The following CATSPERE variants were observed in gnomAD, a reference collection of about 807,000 sequenced individuals.
CATSPERE encodes the protein cation channel sperm-associated auxiliary subunit epsilon.
In CATSPERE, 93 loss-of-function variants were observed where a neutral mutation model predicts 114.1. That is an observed-to-expected ratio of 0.81 (90% CI 0.69 to 0.97). The LOEUF is 0.97. Ranked by LOEUF, CATSPERE falls within the 50% of genes least tolerant of loss-of-function variation. The pLI is 0.00. For synonymous variants in CATSPERE, 341 were observed against 384.1 expected, an observed-to-expected ratio of 0.89 and a Z score of 1.31; for missense variants, 1,058 against 1,131.6, an observed-to-expected ratio of 0.93 and a Z score of 0.93.
chr1:244,586,573 G>C (rs1055945539), intron 13 of CATSPERE, among the ~76,000 whole-genome samples: 1 of 152,208 alleles, frequency 6.6e-6, no homozygotes, highest in Non-Finnish European at 1.5e-5. Context: ...CACTCCCACT[G>C]TGAAGCATGC....
chr1:244,511,876 C>A (rs1675823429), intron 7 of CATSPERE, among the ~76,000 whole-genome samples: 1 of 152,152 alleles, frequency 6.6e-6, no homozygotes, highest in African/African-American at 2.4e-5. Context: ...TCTCTCCTGG[C>A]CTATTAGGTT....
chr1:244,617,016 ATTTGT>A (rs1364925547), intron 19 of CATSPERE, among the ~76,000 whole-genome samples: 1 of 152,136 alleles, frequency 6.6e-6, no homozygotes, highest in African/African-American at 2.4e-5. Context: ...CTTTCATTGT[ATTTGT>A]TTTAACAGAG....
chr1:244,559,668 C>G (rs1253821017), intron 9 of CATSPERE, among the ~76,000 whole-genome samples: 1 of 151,966 alleles, frequency 6.6e-6, no homozygotes, highest in Non-Finnish European at 1.5e-5. Context: ...TATCTGATAA[C>G]CAAGGAATCT....
In CATSPERE at chr1:244,523,200, G is replaced by A. The variant is rs1011217878; in HGVS notation, c.536+4502G>A. Among the ~76,000 whole-genome samples the A allele has an allele frequency of 5.3e-5, 8 of 149,556 alleles. 1 individual carries two copies. The highest frequency in any genetic ancestry group is 1.8e-4 in the African/African-American group (7 of 39,190). On this transcript the variant is annotated intron_variant, in intron 8 of 21. Coordinates refer to ENST00000366534, the MANE Select transcript of CATSPERE (RefSeq NM_001130957.2). ...ATTCAATATACGCAAATCAATAAAT[G>A]TAATCCAGCATATAAACAGAACCAA...
At chr1:244,473,301 C>G (rs2148125605) in intron 2 of CATSPERE, among the ~76,000 whole-genome samples, 1 of 152,156 alleles carries the variant, frequency 6.6e-6, no homozygotes, top group East Asian at 1.9e-4. Context: ...TTTTGCAATT[C>G]CAATAGGTGT....
chr1:244,613,900 G>A (rs889067908), intron 19 of CATSPERE, among the ~76,000 whole-genome samples: 5 of 152,194 alleles, frequency 3.3e-5, no homozygotes, highest in Non-Finnish European at 7.3e-5. Flanking sequence ...TCCATTCATA[G>A]ATTAGTGGAT....
chr1:244,543,485 G>T (rs1659202681), intron 8 of CATSPERE, among the ~76,000 whole-genome samples: 1 of 151,824 alleles, frequency 6.6e-6, no homozygotes, highest in Non-Finnish European at 1.5e-5. Context: ...GCTAAGGTGG[G>T]GGAGGGTGTG....
intron 7 of CATSPERE, among the ~76,000 whole-genome samples, chr1:244,517,238 T>TA (rs1268687116): frequency 6.6e-6 from 1 of 151,840 alleles, no homozygotes. Context: ...AGCTTGTTTA[T>TA]ATGATTATAT....
intron 17 of CATSPERE, among the ~76,000 whole-genome samples, chr1:244,597,421 T>C (rs1288190689): frequency 6.6e-6 from 1 of 152,152 alleles, no homozygotes; most frequent in Non-Finnish European, 1.5e-5. Context: ...GGTTAATCAT[T>C]TACCCCTACT....
At chr1:244,525,039 C>T (rs1572560016) in intron 8 of CATSPERE, among the ~76,000 whole-genome samples, 1 of 145,758 alleles carries the variant, frequency 6.9e-6, no homozygotes, top group African/African-American at 2.7e-5. Context: ...CACATGCACA[C>T]GTATGTTTAT....
intron 7 of CATSPERE, among the ~76,000 whole-genome samples, chr1:244,508,831 TAAA>T (rs960028586): frequency 2.6e-5 from 3 of 114,238 alleles, no homozygotes; most frequent in Non-Finnish European, 1.8e-5. Context: ...ACCCTATCTC[TAAA>T]AAAAAAAAAA....
intron 2 of CATSPERE, among the ~76,000 whole-genome samples, chr1:244,469,364 G>T (rs1668103198): frequency 1.3e-5 from 2 of 152,128 alleles, no homozygotes; most frequent in South Asian, 2.1e-4. Flanking sequence ...CCATTACTCA[G>T]CTCCAGTATT....
intron 6 of CATSPERE, among the ~76,000 whole-genome samples, chr1:244,495,010 ATATT>A (rs1374699196): frequency 6.6e-6 from 1 of 152,214 alleles, no homozygotes; most frequent in Non-Finnish European, 1.5e-5. Context: ...AGTAGAATAT[ATATT>A]ACAGACTCAA....
rs1162164874 is a variant in CATSPERE at position 244,504,102 on chromosome 1, C to T, written c.429+5023C>T. On this transcript the variant is annotated intron_variant, in intron 7 of 21. Coordinates refer to ENST00000366534, the MANE Select transcript of CATSPERE (RefSeq NM_001130957.2). This position sits in a 1 kb window ranked among gnomAD's most constrained non-coding sequence, Gnocchi z 4.1. ...TGGTAACCATAGTAGAATGTAAAAC[C>T]AATGTGGGACAGTTAAATATTCCTC... Among the ~76,000 whole-genome samples, 1 of 151,776 alleles carries T rather than the reference C, an allele frequency of 6.6e-6. No individual in the cohort carries two copies. Among genetic ancestry groups the T allele is most frequent in the African/African-American group, 2.4e-5 (1 of 41,312 alleles).
chr1:244,554,086 T>C (rs561607193), intron 9 of CATSPERE, among the ~76,000 whole-genome samples: 31 of 152,340 alleles, frequency 2.0e-4, no homozygotes, highest in African/African-American at 3.6e-4. Context: ...TGTACACTTA[T>C]GTTGATTCCA....
At chr1:244,602,087 G>C (rs1360672072) in intron 17 of CATSPERE, among the ~76,000 whole-genome samples, 2 of 152,230 alleles carry the variant, frequency 1.3e-5, no homozygotes, top group African/African-American at 4.8e-5. Context: ...GGATGGGAGA[G>C]GGTGAGGTGG....
Position 244,572,588 on chromosome 1 carries a change from A to C in CATSPERE, c.1766A>C (p.His589Pro), listed in dbSNP as rs765350537. ...GACAAATGCCCATACATGGCATTTCATAACAATGTTGCTCATGTTTTTTAC... is the reference window on the plus strand; with the variant it reads ...GACAAATGCCCATACATGGCATTTCCTAACAATGTTGCTCATGTTTTTTAC... ...TKDKCPYMAF[H>P]NNVAHVFYFL... The change falls in exon 11 of 22, where the codon CAT becomes CCT. Residue 589 changes from histidine (H) to proline (P), a missense_variant. His to Pro is a moderately conservative substitution (Grantham distance 77, BLOSUM62 -2). Transcript: ENST00000366534. 4 of 1,614,158 alleles carry C rather than the reference A, an allele frequency of 2.5e-6. No homozygotes were observed. Among genetic ancestry groups the C allele is most frequent in the Non-Finnish European group, 3.4e-6 (4 of 1,180,010 alleles).
At chr1:244,563,759 T>G (rs192807612) in intron 10 of CATSPERE, among the ~76,000 whole-genome samples, 3 of 152,350 alleles carry the variant, frequency 2.0e-5, no homozygotes, top group Non-Finnish European at 2.9e-5. Context: ...CTCTTTAGTT[T>G]AATTAGATCC....
chr1:244,585,710 G>A (rs1222993182), intron 13 of CATSPERE, among the ~76,000 whole-genome samples: 1 of 152,214 alleles, frequency 6.6e-6, no homozygotes, highest in East Asian at 1.9e-4. Flanking sequence ...TGCTAAACCT[G>A]CTGGACCGAA....
Sources: allele counts gnomAD v4.1 joint callset (sites outside exome capture counted in the v4.1 genomes callset), GRCh38; gene constraint gnomAD v4.1.1; non-coding constraint Gnocchi (gnomAD v3.1); transcripts MANE v1.5; gene names NCBI Gene and HGNC (gene_info 2026-07-23, HGNC 2026-07-21).